Variants in DTNB observed in about 807,000 individuals in gnomAD.
DTNB encodes DTN-B.
A neutral mutation model predicts 90.7 loss-of-function variants in DTNB; 63 were observed. The observed-to-expected ratio is 0.69, with a 90% CI of 0.57 to 0.86. The LOEUF (loss-of-function observed/expected upper bound fraction) is 0.86. DTNB is among the 40% of genes least tolerant of loss of function. DTNB has a pLI of 0.00. For missense variants in DTNB, 744 were observed against 807.1 expected (o/e 0.92, Z 0.95); for synonymous variants, 277 against 286.7 (o/e 0.97, Z 0.34).
intron 12 of DTNB, among the ~76,000 whole-genome samples, chr2:25,444,297 G>C (rs1340372230): frequency 6.6e-6 from 1 of 152,074 alleles, no homozygotes; most frequent in Non-Finnish European, 1.5e-5. Context: ...GGGAGGCTGA[G>C]GCAGGTGGAT....
At chr2:25,441,810 AT>A (rs10706267) in intron 12 of DTNB, among the ~76,000 whole-genome samples, 127,558 of 152,002 alleles carry the variant, frequency 0.84, 53,790 homozygotes, top group Non-Finnish European at 0.87. Context: ...AGAACCAGAA[AT>A]TTTTTTTTTC....
intron 16 of DTNB, chr2:25,399,395 G>C (rs2043162445): frequency 1.5e-5 from 2 of 135,472 alleles, no homozygotes; most frequent in Admixed American, 1.5e-4. Context: ...CCAGGCTAGA[G>C]CACAGTGGTG....
chr2:25,458,423 AAG>A (rs1019167882), intron 10 of DTNB, among the ~76,000 whole-genome samples: 1 of 151,678 alleles, frequency 6.6e-6, no homozygotes, highest in African/African-American at 2.4e-5. Flanking sequence ...AAAAAAAAAA[AAG>A]AGAGAGAGAA....
intron 3 of DTNB, among the ~76,000 whole-genome samples, chr2:25,633,614 C>T (rs1391006265): frequency 6.6e-6 from 1 of 152,082 alleles, no homozygotes; most frequent in Non-Finnish European, 1.5e-5. Flanking sequence ...AGCGTCTCTG[C>T]CTAGCCGCCC....
intron 8 of DTNB, among the ~76,000 whole-genome samples, chr2:25,544,888 C>T (rs1572364578): frequency 6.6e-6 from 1 of 152,270 alleles, no homozygotes; most frequent in African/African-American, 2.4e-5. Flanking sequence ...AAAGTATATC[C>T]TTTATTAATT....
chr2:25,451,518 C>A, intron 12 of DTNB, 30 bp downstream of exon 12: 1 of 1,578,370 alleles, frequency 6.3e-7, no homozygotes, highest in Non-Finnish European at 8.6e-7. Context: ...CTAATTTCTG[C>A]TACTCTCCTG....
intron 9 of DTNB, among the ~76,000 whole-genome samples, chr2:25,489,288 A>G (rs1292871011): frequency 6.6e-6 from 1 of 152,188 alleles, no homozygotes; most frequent in African/African-American, 2.4e-5. Flanking sequence ...ATTATATACA[A>G]CTGTATATTT....
intron 9 of DTNB, among the ~76,000 whole-genome samples, chr2:25,524,468 G>A (rs1052748746): frequency 2.7e-5 from 4 of 148,248 alleles, no homozygotes; most frequent in South Asian, 4.3e-4. Flanking sequence ...GGAGTAATTC[G>A]GACTGATAAA....
intron 10 of DTNB, among the ~76,000 whole-genome samples, chr2:25,461,069 A>C (rs2060865555): frequency 6.6e-6 from 1 of 152,104 alleles, no homozygotes; most frequent in African/African-American, 2.4e-5. Context: ...ACGCCCAGCT[A>C]ATTTTTGTAT....
intron 8 of DTNB, among the ~76,000 whole-genome samples, chr2:25,560,486 CTT>C (rs1197082705): frequency 2.6e-5 from 4 of 152,286 alleles, no homozygotes; most frequent in East Asian, 3.9e-4. Context: ...AAAAAGTCCT[CTT>C]GTCTTCAAAC....
At chr2:25,435,011 T>C (rs928077359) in intron 12 of DTNB, among the ~76,000 whole-genome samples, 2 of 152,124 alleles carry the variant, frequency 1.3e-5, no homozygotes, top group African/African-American at 4.8e-5. Context: ...TTAAAAAGCA[T>C]ATAATTCAGT....
intron 14 of DTNB, among the ~76,000 whole-genome samples, chr2:25,428,618 A>C (rs1459895305): frequency 6.6e-6 from 1 of 151,916 alleles, no homozygotes; most frequent in Admixed American, 6.6e-5. Flanking sequence ...TTTTTAGTAG[A>C]GATGGAGTTT....
At chr2:25,409,335 CA>C (rs2046044679) in intron 16 of DTNB, among the ~76,000 whole-genome samples, 1 of 152,120 alleles carries the variant, frequency 6.6e-6, no homozygotes, top group Admixed American at 6.5e-5. Context: ...TCCAGAGTAC[CA>C]ACTGGTACAA....
chr2:25,412,313 T>C (rs2046813633), intron 16 of DTNB, among the ~76,000 whole-genome samples: 1 of 152,146 alleles, frequency 6.6e-6, no homozygotes, highest in Non-Finnish European at 1.5e-5. Context: ...GGAAATCAGA[T>C]AGGGCATGAT....
intron 9 of DTNB, among the ~76,000 whole-genome samples, chr2:25,522,265 C>G (rs1440264750): frequency 6.6e-6 from 1 of 152,296 alleles, no homozygotes; most frequent in South Asian, 2.1e-4. Flanking sequence ...CACCACCCCC[C>G]AGAAAGGAAC....
intron 5 of DTNB, 28 bp downstream of exon 5, chr2:25,607,208 A>G (rs767300683): frequency 8.4e-6 from 13 of 1,555,754 alleles, no homozygotes; most frequent in Middle Eastern, 3.3e-4. Context: ...TGAAAATGGC[A>G]TTTTTCAAAT....
At chr2:25,638,151 T>C (rs377099670) in intron 3 of DTNB, among the ~76,000 whole-genome samples, 15 of 152,066 alleles carry the variant, frequency 9.9e-5, no homozygotes, top group East Asian at 3.9e-4. Flanking sequence ...CTGGTGGGAA[T>C]TGAACAATGA....
chr2:25,631,324 C>G (rs753359172), intron 3 of DTNB, among the ~76,000 whole-genome samples: 2 of 152,066 alleles, frequency 1.3e-5, no homozygotes, highest in Non-Finnish European at 2.9e-5. Context: ...TGCAGCGGCT[C>G]ATGTCTGTAA....
chr2:25,377,752 A>G (rs1405913401), intron 20 of DTNB, among the ~76,000 whole-genome samples, 199 bp from the exon 21 acceptor site: 3 of 152,188 alleles, frequency 2.0e-5, no homozygotes, highest in African/African-American at 7.2e-5. Context: ...TCCGTGGAAG[A>G]AAGAATTGGG....
Sources: allele counts gnomAD v4.1 joint callset (sites outside exome capture counted in the v4.1 genomes callset), GRCh38; gene constraint gnomAD v4.1.1; transcripts MANE v1.5; gene names NCBI Gene and HGNC (gene_info 2026-07-23, HGNC 2026-07-21).